ANKRD26: variants seen among roughly 807,000 people sequenced by gnomAD.
ANKRD26 encodes ankyrin repeat domain 26, also known as ankyrin repeat domain-containing protein 26.
ANKRD26 carries 141 observed loss-of-function variants against 208.7 expected under a neutral mutation model. That is an observed-to-expected ratio of 0.68 (90% CI 0.59 to 0.78). ANKRD26 has a LOEUF of 0.78. Among genes scored for constraint, ANKRD26 ranks in the 30% least tolerant of loss-of-function variants. The pLI, the probability that ANKRD26 is intolerant of heterozygous loss-of-function variation, is 0.00. For synonymous variants in ANKRD26, 636 were observed against 660.4 expected (o/e 0.96, Z 0.57); for missense variants, 1,889 against 1,938.7 (o/e 0.97, Z 0.48).
At chr10:27,041,943 T>C (rs2054255298) in intron 20 of ANKRD26, among the ~76,000 whole-genome samples, 1 of 152,060 alleles carries the variant, frequency 6.6e-6, no homozygotes, top group Admixed American at 6.5e-5. Context: ...AATTATACCA[T>C]ATATGATGTG....
chr10:27,053,225 AG>A, intron 16 of ANKRD26, 94 bp downstream of exon 16: 1 of 882,988 alleles, frequency 1.1e-6, no homozygotes, highest in Non-Finnish European at 1.8e-6. Flanking sequence ...TGATTCTAAA[AG>A]GCTAGTCTGA....
At position 26,986,381 on chromosome 10, in the gene ANKRD26, T is replaced by C. The variant is rs1349114820; in HGVS notation, c.490-3568A>G. On this transcript the variant is annotated intron_variant and NMD_transcript_variant, in intron 3 of 5. Coordinates refer to the ANKRD26 transcript ENST00000674670. ...GACATAGGCATGGGCAAGGACTTCA[T>C]GTCTAAAACACCAAAAGCAATGGCA... is the stretch of plus-strand genomic sequence containing the variant. Among the ~76,000 whole-genome samples, 3 of 152,156 alleles carry C rather than the reference T, an allele frequency of 2.0e-5. No homozygotes were observed. The East Asian group carries it at 5.8e-4, about 29-fold the overall frequency.
At chr10:26,967,176 C>A in the ANKRD26 span, among the ~76,000 whole-genome samples, 1 of 152,134 alleles carries the variant, frequency 6.6e-6, no homozygotes, top group African/African-American at 2.4e-5. Context: ...TCTCTAAAAG[C>A]ACTTGTCAGT....
chr10:27,037,113 G>T, intron 23 of ANKRD26, 73 bp downstream of exon 23: 2 of 1,463,496 alleles, frequency 1.4e-6, no homozygotes, highest in Non-Finnish European at 1.9e-6. Context: ...ATATATAGTT[G>T]GTTTTTAAAA....
intron 25 of ANKRD26, among the ~76,000 whole-genome samples, chr10:27,032,730 G>C (rs182670159): frequency 6.6e-6 from 1 of 151,824 alleles, no homozygotes; most frequent in East Asian, 1.9e-4. Context: ...CAAAAGAATC[G>C]CTTGAACCGG....
In ANKRD26 at chr10:27,035,503, C is replaced by T; in HGVS notation, c.2947G>A (p.Ala983Thr). 1.2e-6 allele frequency: 2 copies of T among 1,614,014 alleles called. No individual in the cohort carries two copies. Among genetic ancestry groups the T allele is most frequent in the Non-Finnish European group, 1.7e-6 (2 of 1,179,930 alleles). Reference sequence around the variant, plus strand: ...TTAGAATTTAGCATTGCATTCTCAGCTGTCAGAACACTAAGCCGTCCATTA... The same window carrying T: ...TTAGAATTTAGCATTGCATTCTCAGTTGTCAGAACACTAAGCCGTCCATTA... ...QYNGRLSVLT[A>T]ENAMLNSKLE... Residue 983 changes from alanine (A) to threonine (T), a missense_variant, in exon 24 of 34, where the codon GCT becomes ACT. Physicochemically the swap from Ala to Thr is moderately conservative, Grantham distance 58. Around this residue, in one of 3 missense-constraint regions of ANKRD26, gnomAD observed 1,272 missense variants for 1,273.8 expected, o/e 1.00. Coordinates refer to ENST00000376087, the MANE Select transcript of ANKRD26 (RefSeq NM_014915.3).
At chr10:27,055,714 T>C (rs540998109) in intron 15 of ANKRD26, among the ~76,000 whole-genome samples, 2 of 152,330 alleles carry the variant, frequency 1.3e-5, no homozygotes, top group South Asian at 2.1e-4. Flanking sequence ...TGACAGACTA[T>C]GTGTACACAG....
intron 32 of ANKRD26, among the ~76,000 whole-genome samples, chr10:27,008,720 C>T (rs2052980931): frequency 1.3e-5 from 2 of 152,120 alleles, no homozygotes; most frequent in African/African-American, 2.4e-5. Context: ...AATTTAAATA[C>T]AGGTTATTTT....
At chr10:27,009,699 T>A (rs1172714315) in intron 32 of ANKRD26, among the ~76,000 whole-genome samples, 1 of 152,184 alleles carries the variant, frequency 6.6e-6, no homozygotes, top group Non-Finnish European at 1.5e-5. Flanking sequence ...GCTAATAATT[T>A]AATGCATAAT....
At chr10:26,963,418 T>C in the ANKRD26 span, among the ~76,000 whole-genome samples, 1 of 152,340 alleles carries the variant, frequency 6.6e-6, no homozygotes, top group South Asian at 2.1e-4. Context: ...GAATCTGCTC[T>C]GGCACAGTCT....
At chr10:27,008,908 C>T (rs1378101517) in intron 32 of ANKRD26, among the ~76,000 whole-genome samples, 1 of 152,090 alleles carries the variant, frequency 6.6e-6, no homozygotes, top group Non-Finnish European at 1.5e-5. Context: ...GGAGTAATCT[C>T]GGCTCACTGT....
At chr10:27,073,580 C>G (rs1340387272) in intron 9 of ANKRD26, among the ~76,000 whole-genome samples, 1 of 152,176 alleles carries the variant, frequency 6.6e-6, no homozygotes, top group East Asian at 1.9e-4. Context: ...ACTGAGAGCT[C>G]CCCCTGCCAC....
At chr10:27,002,034 A>T (rs2052736612), downstream of ANKRD26, among the ~76,000 whole-genome samples, 1 of 152,204 alleles carries the variant, frequency 6.6e-6, no homozygotes, top group Non-Finnish European at 1.5e-5. Context: ...AGATGAACAG[A>T]GTCAGGAGGC....
chr10:27,067,112 A>G (rs773051649), intron 10 of ANKRD26, 45 bp downstream of exon 10: 1 of 1,600,172 alleles, frequency 6.2e-7, no homozygotes, highest in Admixed American at 1.7e-5. Context: ...ACCCCAGAAT[A>G]GAACTTAAGG....
intron 33 of ANKRD26, among the ~76,000 whole-genome samples, chr10:27,006,061 T>C (rs562216143): frequency 2.0e-5 from 3 of 152,182 alleles, no homozygotes; most frequent in African/African-American, 7.2e-5. Context: ...CAGACAAACA[T>C]ACAATTTCCA....
chr10:27,037,908 T>C lies in ANKRD26; in HGVS notation c.2522A>G (p.Glu841Gly). 2.5e-6 allele frequency: 4 copies of C among 1,613,086 alleles called. No individual in the cohort carries two copies. The highest frequency in any genetic ancestry group is 2.2e-5 in the East Asian group (1 of 44,756). ...ACTTTTTACAGTCCTCAATTCCATC[T>C]CCAGTGTTTGGAGACTCAGTTCAAG... ...QQLELSLQTL[E>G]MELRTVKSNL... Residue 841 changes from glutamate (E) to glycine (G), a missense_variant, in exon 22 of 34, where the codon GAG becomes GGG. Physicochemically the swap from Glu to Gly is moderately conservative, Grantham distance 98. Coordinates refer to ENST00000376087, the MANE Select transcript of ANKRD26 (RefSeq NM_014915.3).
chr10:26,951,013 CTTTTTCTTTTTT>C, the ANKRD26 span, among the ~76,000 whole-genome samples: 3 of 100,958 alleles, frequency 3.0e-5, no homozygotes, highest in Non-Finnish European at 3.5e-5. Flanking sequence ...CTTTTCTTTT[CTTTTTCTTTTTT>C]TTTTTTTTTT....
chr10:27,017,629 T>C lies in ANKRD26; in HGVS notation c.4379A>G (p.Asn1460Ser). ...NKKKLEQEVI[N>S]LRSHIERNMV... Reference sequence around the variant, plus strand: ...ATTCCTTTCTATATGACTTCTCAGGTTGATCACTTCTTGTTCCAACTTCTT... The same window carrying C: ...ATTCCTTTCTATATGACTTCTCAGGCTGATCACTTCTTGTTCCAACTTCTT... The change falls in exon 30 of 34, where the codon AAC (asparagine) becomes AGC (serine). Residue 1460 changes from asparagine (N) to serine (S), a missense_variant. By Grantham distance (46) the Asn-to-Ser change is conservative (BLOSUM62 1). Coordinates refer to ENST00000376087, the MANE Select transcript of ANKRD26 (RefSeq NM_014915.3). 1.9e-6 allele frequency: 3 copies of C among 1,613,710 alleles called. No individual in the cohort carries two copies. Among genetic ancestry groups the C allele is most frequent in the Non-Finnish European group, 1.7e-6 (2 of 1,179,850 alleles).
intron 7 of ANKRD26, among the ~76,000 whole-genome samples, chr10:27,078,086 A>G (rs1285527965): frequency 6.6e-6 from 1 of 152,188 alleles, no homozygotes; most frequent in East Asian, 1.9e-4. Context: ...TGCATGATTT[A>G]TATTTGCATG....
Sources: allele counts gnomAD v4.1 joint callset (sites outside exome capture counted in the v4.1 genomes callset), GRCh38; gene constraint gnomAD v4.1.1; regional missense constraint gnomAD v4.1.1; transcripts MANE v1.5; gene names NCBI Gene and HGNC (gene_info 2026-07-23, HGNC 2026-07-21).